Variants in IDE observed in about 807,000 individuals in gnomAD.
IDE encodes the protein insulin degrading enzyme.
Under a neutral mutation model 133.2 loss-of-function variants are expected in IDE, and 58 were observed. The ratio of observed to expected loss-of-function variants is 0.44; its 90% CI spans 0.35 to 0.54. The LOEUF (loss-of-function observed/expected upper bound fraction) is 0.54. IDE is among the 20% of genes least tolerant of loss of function. The pLI is 0.00. For missense variants in IDE, 981 were observed against 1,234.0 expected, an observed-to-expected ratio of 0.79 and a Z score of 3.07; for synonymous variants, 396 against 421.3, an observed-to-expected ratio of 0.94 and a Z score of 0.73.
intron 4 of IDE, among the ~76,000 whole-genome samples, chr10:92,529,455 CT>C (rs1330253178): frequency 6.6e-6 from 1 of 152,172 alleles, no homozygotes; most frequent in Non-Finnish European, 1.5e-5. Context: ...TTACCTTGTA[CT>C]TTGCTAACTG....
intron 4 of IDE, among the ~76,000 whole-genome samples, chr10:92,516,008 A>G (rs181556075): frequency 0.012 from 1,757 of 151,388 alleles, 10 homozygotes; most frequent in Non-Finnish European, 0.019. Flanking sequence ...CGTCTCTACT[A>G]AAAATACAAA....
intron 5 of IDE, among the ~76,000 whole-genome samples, chr10:92,513,215 TG>T (rs1188706745): frequency 6.6e-6 from 1 of 152,188 alleles, no homozygotes; most frequent in Non-Finnish European, 1.5e-5. Flanking sequence ...TTTTTTGAGA[TG>T]GAGTCTCACT....
At chr10:92,483,471 C>A (rs1307763399) in intron 13 of IDE, 134 bp from the exon 14 acceptor site, 12 of 614,856 alleles carry the variant, frequency 2.0e-5, no homozygotes, top group Non-Finnish European at 3.5e-5. Flanking sequence ...TCCCATGGGC[C>A]TTGAAGCATA....
At chr10:92,571,833 T>C (rs894395791) in intron 1 of IDE, among the ~76,000 whole-genome samples, 2 of 152,218 alleles carry the variant, frequency 1.3e-5, no homozygotes, top group Non-Finnish European at 2.9e-5. Context: ...TTCCAGCAAA[T>C]AGCTGTGTGG....
intron 20 of IDE, 47 bp downstream of exon 20, chr10:92,465,629 T>C (rs1845642596): frequency 6.7e-7 from 1 of 1,500,574 alleles, no homozygotes; most frequent in African/African-American, 1.4e-5. Context: ...GGGAAAATAA[T>C]TCATCAAAGT....
chr10:92,453,266 C>G lies in IDE; in HGVS notation c.*1178G>C, dbSNP rs1035145389. On this transcript the variant is annotated 3_prime_UTR_variant, in exon 25 of 25. Transcript: ENST00000265986. ...TGTTAAATCTACAGTAACAATTTCA[C>G]CTAAAATAGTATCTCATGAAAAAAA... The G allele has an allele frequency of 6.6e-6, 1 of 152,110 alleles. No homozygotes were observed. The allele number at this position is 152,110 out of a possible 1,614,324, so 9.4% of individuals were successfully genotyped here.
At chr10:92,463,207 T>C (rs887553958) in intron 21 of IDE, among the ~76,000 whole-genome samples, 8 of 152,184 alleles carry the variant, frequency 5.3e-5, no homozygotes, top group African/African-American at 1.9e-4. Context: ...CAATCCGTTG[T>C]TAATCTATGC....
chr10:92,564,700 A>C (rs1380632994), intron 1 of IDE, among the ~76,000 whole-genome samples: 1 of 143,318 alleles, frequency 7.0e-6, no homozygotes, highest in East Asian at 2.1e-4. Context: ...AAAAAAAAAA[A>C]AAAAAAAAAA....
intron 3 of IDE, among the ~76,000 whole-genome samples, chr10:92,532,483 G>T (rs1203379869): frequency 6.6e-6 from 1 of 152,108 alleles, no homozygotes; most frequent in Non-Finnish European, 1.5e-5. Flanking sequence ...TAAAAAACCT[G>T]AGGTATGACA....
chr10:92,561,324 GTAGAC>G (rs1843271888), intron 1 of IDE, among the ~76,000 whole-genome samples: 1 of 152,138 alleles, frequency 6.6e-6, no homozygotes, highest in African/African-American at 2.4e-5. Flanking sequence ...GCTGTCTAAA[GTAGAC>G]TTCCTAAGAG....
At chr10:92,552,857 C>CAAAAAAAAAAGAAAAAAA (rs1842846882) in intron 1 of IDE, among the ~76,000 whole-genome samples, 1 of 49,380 alleles carries the variant, frequency 2.0e-5, no homozygotes, top group Non-Finnish European at 3.5e-5. Context: ...GACTCAGTCT[C>CAAAAAAAAAAGAAAAAAA]AAAAAAAAAA....
At chr10:92,523,329 C>T (rs774025412) in intron 4 of IDE, among the ~76,000 whole-genome samples, 8 of 151,750 alleles carry the variant, frequency 5.3e-5, no homozygotes, top group Admixed American at 2.0e-4. Flanking sequence ...TGTAGTGAGC[C>T]GAGATCATGC....
intron 3 of IDE, among the ~76,000 whole-genome samples, chr10:92,534,130 T>A (rs757015633): frequency 1.2e-4 from 18 of 152,316 alleles, no homozygotes; most frequent in Non-Finnish European, 1.6e-4. Flanking sequence ...ATCGGCCTAA[T>A]GGAGCTTGCT....
At chr10:92,524,926 C>A (rs1589475481) in intron 4 of IDE, among the ~76,000 whole-genome samples, 1 of 146,656 alleles carries the variant, frequency 6.8e-6, no homozygotes, top group South Asian at 2.2e-4. Flanking sequence ...AACAAACAAA[C>A]AAACAAAAAT....
intron 4 of IDE, 103 bp downstream of exon 4, chr10:92,531,645 T>C (rs1037841213): frequency 2.3e-5 from 10 of 443,594 alleles, no homozygotes; most frequent in Non-Finnish European, 3.1e-5. Flanking sequence ...ATGGGTTATA[T>C]ACATAAATAT....
chr10:92,545,642 G>A (rs1331827545), intron 1 of IDE, among the ~76,000 whole-genome samples: 4 of 152,174 alleles, frequency 2.6e-5, no homozygotes, highest in African/African-American at 4.8e-5. Flanking sequence ...TGTACTGGAC[G>A]AAGAGGTATT....
In IDE at chr10:92,458,490, G is replaced by GTTT. The variant is rs71028821; in HGVS notation, c.2824-2062_2824-2060dup. ...AGGCCTGGTTATAAATACTCTCTCT[G>GTTT]TTTTTTTTTTTTTTTTTTTTTTTTT... On this transcript the variant is annotated intron_variant, in intron 22 of 24. Transcript: ENST00000265986. Among the ~76,000 whole-genome samples the GTTT allele has an allele frequency of 1.0e-2, 836 of 83,762 alleles. 120 individuals are homozygous for GTTT. Among genetic ancestry groups the GTTT allele is most frequent in the Admixed American group, 0.037 (237 of 6,470 alleles). 55.0% of individuals were successfully genotyped at this position (83,762 alleles called of 152,430 possible).
chr10:92,540,728 T>TA (rs1842260897), intron 1 of IDE, among the ~76,000 whole-genome samples: 1 of 152,120 alleles, frequency 6.6e-6, no homozygotes, highest in South Asian at 2.1e-4. Context: ...GGAGATGAAA[T>TA]ATAGCTCACT....
intron 19 of IDE, among the ~76,000 whole-genome samples, chr10:92,468,576 T>C (rs1284818366): frequency 6.6e-6 from 1 of 152,238 alleles, no homozygotes; most frequent in Non-Finnish European, 1.5e-5. Flanking sequence ...ATGTATTTTA[T>C]TTCATGACTC....
Sources: allele counts gnomAD v4.1 joint callset (sites outside exome capture counted in the v4.1 genomes callset), GRCh38; gene constraint gnomAD v4.1.1; transcripts MANE v1.5; gene names NCBI Gene and HGNC (gene_info 2026-07-23, HGNC 2026-07-21).